POC1A: variants seen among roughly 807,000 people sequenced by gnomAD.
POC1A encodes the protein POC1 centriolar protein A, also known as POC1 centriolar protein homolog A.
In POC1A, 34 loss-of-function variants were observed where a neutral mutation model predicts 47.8. That is an observed-to-expected ratio of 0.71 (90% CI 0.54 to 0.95). The LOEUF is 0.95. Ranked by LOEUF, POC1A falls within the 40% of genes least tolerant of loss-of-function variation. The pLI, the probability that POC1A is intolerant of heterozygous loss-of-function variation, is 0.00. For missense variants in POC1A, 466 were observed against 528.3 expected (o/e 0.88, Z 1.16); for synonymous variants, 177 against 207.6 (o/e 0.85, Z 1.27).
Position 52,079,280 on chromosome 3 carries a change from C to T in POC1A, c.1126-3295G>A, listed in dbSNP as rs1415611496. On this transcript the variant is annotated intron_variant, in intron 10 of 10. Coordinates refer to ENST00000296484, the MANE Select transcript of POC1A (RefSeq NM_015426.5). The surrounding 1 kb of genome is among the most constrained non-coding windows in gnomAD (Gnocchi z 4.6). ...GCCATTTCCACCTGCTGCCTAGTGGCCCAACTCCCAGCGGGGCCCAGCCAA... is the reference window on the plus strand; with the variant it reads ...GCCATTTCCACCTGCTGCCTAGTGGTCCAACTCCCAGCGGGGCCCAGCCAA... Among the ~76,000 whole-genome samples, 3 of 152,244 alleles carry T rather than the reference C, an allele frequency of 2.0e-5. No homozygotes were observed. The highest frequency in any genetic ancestry group is 4.4e-5 in the Non-Finnish European group (3 of 68,034).
intron 6 of POC1A, among the ~76,000 whole-genome samples, chr3:52,144,637 A>T (rs752952131): frequency 6.6e-6 from 1 of 151,974 alleles, no homozygotes; most frequent in Non-Finnish European, 1.5e-5. Context: ...AAACCTCCCA[A>T]CACCTCCTGT....
intron 7 of POC1A, among the ~76,000 whole-genome samples, chr3:52,128,312 A>G (rs1278037691): frequency 1.3e-5 from 2 of 152,184 alleles, no homozygotes; most frequent in Non-Finnish European, 2.9e-5. Flanking sequence ...AGCAGAACCA[A>G]CAAAACACTC....
intron 10 of POC1A, among the ~76,000 whole-genome samples, chr3:52,089,916 C>T (rs752049385): frequency 7.3e-5 from 11 of 149,890 alleles, no homozygotes; most frequent in Admixed American, 3.4e-4. Flanking sequence ...GAACCAGATG[C>T]CTCACCTGAG....
chr3:52,132,832 G>A (rs1438805880), intron 7 of POC1A, among the ~76,000 whole-genome samples: 1 of 152,110 alleles, frequency 6.6e-6, no homozygotes, highest in Admixed American at 6.5e-5. Flanking sequence ...ATCACTTGAG[G>A]TCAGGAGTTC....
At chr3:52,141,738 C>T (rs370097734) in intron 6 of POC1A, among the ~76,000 whole-genome samples, 8 of 152,068 alleles carry the variant, frequency 5.3e-5, no homozygotes, top group Middle Eastern at 3.2e-3. Flanking sequence ...CCTGTAATCC[C>T]AGCACTTTGG....
In POC1A at chr3:52,138,197, C is replaced by T. The variant is rs759259082; in HGVS notation, c.785G>A (p.Arg262Gln). Residue 262 changes from arginine (R) to glutamine (Q), a missense_variant, in exon 7 of 11, where the codon CGG becomes CAG. Transcript: ENST00000296484. The stretch of plus-strand genomic sequence containing the variant: ...ATGCCCGTGGAGTGTGTAGAGCAGC[C>T]GGCCCTCCATCAGGTCCAGGATCTT... ...TLKILDLMEG[R>Q]LLYTLHGHQG... The T allele has an allele frequency of 3.8e-5, 61 of 1,613,960 alleles. No individual in the cohort carries two copies. The East Asian group carries it at 1.2e-3, about 33-fold the overall frequency.
intron 10 of POC1A, among the ~76,000 whole-genome samples, chr3:52,080,020 A>G (rs1219933998): frequency 6.6e-6 from 1 of 151,930 alleles, no homozygotes; most frequent in African/African-American, 2.4e-5. Context: ...CTGATCATTG[A>G]CCCTCTGCTC....
intron 10 of POC1A, among the ~76,000 whole-genome samples, chr3:52,083,069 C>T (rs1702351702): frequency 6.6e-6 from 1 of 152,176 alleles, no homozygotes; most frequent in Non-Finnish European, 1.5e-5. Context: ...TGGGTTTATG[C>T]AGCTCTGCTG....
intron 1 of POC1A, among the ~76,000 whole-genome samples, 178 bp downstream of exon 1, chr3:52,154,177 G>A (rs868295483): frequency 6.6e-6 from 1 of 152,266 alleles, no homozygotes; most frequent in East Asian, 1.9e-4. Flanking sequence ...GCACGCAGGA[G>A]GCGCTCAGAA....
chr3:52,081,094 C>T (rs1362278256), intron 10 of POC1A, among the ~76,000 whole-genome samples: 3 of 152,246 alleles, frequency 2.0e-5, no homozygotes, highest in Non-Finnish European at 4.4e-5. Flanking sequence ...GAAGCCATGG[C>T]CCTTCTCAAG....
chr3:52,084,529 C>A lies in POC1A; in HGVS notation c.1126-8544G>T, dbSNP rs574087730. Among the ~76,000 whole-genome samples, 8 of 152,304 alleles carry A rather than the reference C, an allele frequency of 5.3e-5. No individual in the cohort carries two copies. The highest frequency in any genetic ancestry group is 4.6e-4 in the Admixed American group (7 of 15,308). On this transcript the variant is annotated intron_variant, in intron 10 of 10. Transcript: ENST00000296484. This position sits in a 1 kb window ranked among gnomAD's most constrained non-coding sequence, Gnocchi z 4.3. ...AGCTGCAGCACCGGTCCTGTCTAGG[C>A]TGCGAGGAAAGCTACTCCACCACCA...
chr3:52,144,119 T>C (rs1427230654), intron 6 of POC1A, among the ~76,000 whole-genome samples: 1 of 152,166 alleles, frequency 6.6e-6, no homozygotes, highest in Non-Finnish European at 1.5e-5. Flanking sequence ...TGCCACCCCC[T>C]TTACAGAAAG....
chr3:52,107,079 AG>A (rs771042929), intron 9 of POC1A, among the ~76,000 whole-genome samples: 1 of 152,274 alleles, frequency 6.6e-6, no homozygotes, highest in Non-Finnish European at 1.5e-5. Flanking sequence ...GAGATGAAGC[AG>A]GGAGGTGACG....
chr3:52,091,012 T>G (rs888148814), intron 10 of POC1A, among the ~76,000 whole-genome samples: 1 of 152,188 alleles, frequency 6.6e-6, no homozygotes, highest in Non-Finnish European at 1.5e-5. Context: ...GAGATGGGTC[T>G]GAGCAGCTGC....
intron 9 of POC1A, among the ~76,000 whole-genome samples, chr3:52,120,535 C>T (rs1283563880): frequency 6.6e-6 from 1 of 152,188 alleles, no homozygotes; most frequent in Non-Finnish European, 1.5e-5. Context: ...TGCCTATGGG[C>T]GTATTCAGGT....
intron 8 of POC1A, among the ~76,000 whole-genome samples, chr3:52,123,451 G>A (rs1223744497): frequency 6.6e-6 from 1 of 152,202 alleles, no homozygotes; most frequent in Non-Finnish European, 1.5e-5. Context: ...ATCCACACAA[G>A]ATGAACACTC....
intron 8 of POC1A, among the ~76,000 whole-genome samples, chr3:52,123,297 G>A (rs1180240129): frequency 6.6e-6 from 1 of 152,256 alleles, no homozygotes; most frequent in Non-Finnish European, 1.5e-5. Flanking sequence ...TGGCTGGGGA[G>A]CAAGAGCGCT....
At position 52,090,382 on chromosome 3, in the gene POC1A, C is replaced by A. The variant is rs1007998265; in HGVS notation, c.1125+6187G>T. 2.0e-5 allele frequency among the ~76,000 whole-genome samples: 3 copies of A among 152,246 alleles called. No individual in the cohort carries two copies. Among genetic ancestry groups the A allele is most frequent in the Non-Finnish European group, 2.9e-5 (2 of 68,046 alleles). ...CTTCTGAGGCAAAACCACCAAGCCG[C>A]GTGTTGGGCCTATGCCGGGCCCCCT... On this transcript the variant is annotated intron_variant, in intron 10 of 10. Coordinates refer to ENST00000296484, the MANE Select transcript of POC1A (RefSeq NM_015426.5). This position sits in a 1 kb window ranked among gnomAD's most constrained non-coding sequence, Gnocchi z 4.2.
intron 7 of POC1A, among the ~76,000 whole-genome samples, chr3:52,132,823 T>C (rs1253743564): frequency 6.6e-6 from 1 of 152,050 alleles, no homozygotes; most frequent in Non-Finnish European, 1.5e-5. Flanking sequence ...GGAAGGCAGA[T>C]CACTTGAGGT....
Sources: allele counts gnomAD v4.1 joint callset (sites outside exome capture counted in the v4.1 genomes callset), GRCh38; gene constraint gnomAD v4.1.1; non-coding constraint Gnocchi (gnomAD v3.1); transcripts MANE v1.5; gene names NCBI Gene and HGNC (gene_info 2026-07-23, HGNC 2026-07-21).